Variants in EIPR1 observed in about 807,000 individuals in gnomAD.
EIPR1 encodes the protein EARP complex and GARP complex interacting protein 1.
A neutral mutation model predicts 48.1 loss-of-function variants in EIPR1; 25 were observed. The observed-to-expected ratio is 0.52, with a 90% CI of 0.38 to 0.73. The LOEUF (loss-of-function observed/expected upper bound fraction) is 0.73. Among genes scored for constraint, EIPR1 ranks in the 30% least tolerant of loss-of-function variants. The pLI is 0.00. For missense variants in EIPR1, 415 were observed against 506.2 expected, an observed-to-expected ratio of 0.82 and a Z score of 1.73; for synonymous variants, 204 against 201.9, an observed-to-expected ratio of 1.01 and a Z score of -0.09.
intron 4 of EIPR1, 96 bp downstream of exon 4, chr2:3,257,203 T>G: frequency 1.5e-6 from 2 of 1,350,580 alleles, no homozygotes; most frequent in South Asian, 3.2e-5. Flanking sequence ...GTTTCCGAGG[T>G]GTGGACGGTG....
At chr2:3,249,824 T>C (rs1666949981) in intron 4 of EIPR1, among the ~76,000 whole-genome samples, 1 of 152,216 alleles carries the variant, frequency 6.6e-6, no homozygotes, top group South Asian at 2.1e-4. Context: ...CTAGCTCCAG[T>C]CATGGCTCAA....
intron 3 of EIPR1, among the ~76,000 whole-genome samples, chr2:3,258,022 G>A (rs1270806864): frequency 6.6e-6 from 1 of 152,224 alleles, no homozygotes; most frequent in Non-Finnish European, 1.5e-5. Flanking sequence ...GAGCCCTGGT[G>A]GGCAGCAGGT....
intron 4 of EIPR1, among the ~76,000 whole-genome samples, chr2:3,229,421 A>G (rs1666168117): frequency 6.6e-6 from 1 of 152,374 alleles, no homozygotes; most frequent in South Asian, 2.1e-4. Context: ...GTGATGTTTC[A>G]TCAGCAATAC....
At chr2:3,224,978 G>A (rs1051138070) in intron 4 of EIPR1, among the ~76,000 whole-genome samples, 2 of 152,226 alleles carry the variant, frequency 1.3e-5, no homozygotes, top group African/African-American at 4.8e-5. Flanking sequence ...CACGAGGCTG[G>A]AGTGAAGCAC....
chr2:3,366,625 A>G (rs1266796894), intron 1 of EIPR1, among the ~76,000 whole-genome samples: 16 of 152,264 alleles, frequency 1.1e-4, no homozygotes, highest in Non-Finnish European at 2.4e-4. Flanking sequence ...CATGTGTTTA[A>G]AATGCTTGTA....
chr2:3,245,576 G>A (rs913151294), intron 4 of EIPR1, among the ~76,000 whole-genome samples: 3 of 152,202 alleles, frequency 2.0e-5, no homozygotes, highest in South Asian at 4.1e-4. Context: ...CTATTCTCCT[G>A]TAATAACACA....
intron 5 of EIPR1, among the ~76,000 whole-genome samples, chr2:3,210,482 C>A (rs1665408029): frequency 6.6e-6 from 1 of 152,134 alleles, no homozygotes; most frequent in African/African-American, 2.4e-5. Flanking sequence ...TCCCTGAACA[C>A]CCCCACGACA....
intron 4 of EIPR1, among the ~76,000 whole-genome samples, chr2:3,233,322 C>T (rs1335161355): frequency 2.0e-5 from 3 of 151,978 alleles, no homozygotes; most frequent in Admixed American, 6.5e-5. Context: ...TTTTTTAATC[C>T]AATTCCCATG....
intron 5 of EIPR1, among the ~76,000 whole-genome samples, chr2:3,213,862 TC>T (rs1181463569): frequency 2.0e-5 from 3 of 152,230 alleles, no homozygotes; most frequent in Non-Finnish European, 4.4e-5. Context: ...TTTATTTTTT[TC>T]ATTACACTTT....
chr2:3,266,717 G>A (rs936485841), intron 3 of EIPR1, among the ~76,000 whole-genome samples: 3 of 152,336 alleles, frequency 2.0e-5, no homozygotes, highest in Middle Eastern at 3.4e-3. Flanking sequence ...CTCGCTGGCC[G>A]TGAGCTCCAG....
intron 3 of EIPR1, among the ~76,000 whole-genome samples, chr2:3,322,811 C>A (rs1485275585): frequency 8.5e-5 from 13 of 152,154 alleles, no homozygotes; most frequent in Non-Finnish European, 1.9e-4. Flanking sequence ...GCTCCAGTTC[C>A]TTCATCAGCA....
At chr2:3,365,631 C>T (rs1438166792) in intron 1 of EIPR1, among the ~76,000 whole-genome samples, 4 of 147,872 alleles carry the variant, frequency 2.7e-5, no homozygotes, top group South Asian at 2.2e-4. Flanking sequence ...GAGGACCCTG[C>T]GGCCTTCCGC....
chr2:3,236,361 G>C (rs920201998), intron 4 of EIPR1, among the ~76,000 whole-genome samples: 1 of 152,214 alleles, frequency 6.6e-6, no homozygotes, highest in Non-Finnish European at 1.5e-5. Context: ...CCTCATCCTT[G>C]TCCCTCGCTG....
intron 3 of EIPR1, among the ~76,000 whole-genome samples, chr2:3,311,189 A>G (rs2103309134): frequency 6.6e-6 from 1 of 152,302 alleles, no homozygotes; most frequent in East Asian, 1.9e-4. Context: ...TATCAACACA[A>G]GTGCCTCCAC....
chr2:3,372,221 A>G (rs28895619), intron 1 of EIPR1, among the ~76,000 whole-genome samples: 32,648 of 149,380 alleles, frequency 0.22, 4,330 homozygotes, highest in East Asian at 0.42. Context: ...TCTCTGGGAC[A>G]CATTCAAAGC....
At chr2:3,349,520 G>A (rs1670504084) in intron 2 of EIPR1, among the ~76,000 whole-genome samples, 1 of 152,234 alleles carries the variant, frequency 6.6e-6, no homozygotes. Flanking sequence ...CACAAGACGG[G>A]GATAAGGAGG....
chr2:3,338,687 ACT>A (rs1487765588), intron 2 of EIPR1, among the ~76,000 whole-genome samples: 1 of 152,150 alleles, frequency 6.6e-6, no homozygotes, highest in Non-Finnish European at 1.5e-5. Context: ...ATATTCACAC[ACT>A]GTTATCCTCT....
At chr2:3,191,060 C>T (rs1176991595) in intron 8 of EIPR1, among the ~76,000 whole-genome samples, 3 of 152,238 alleles carry the variant, frequency 2.0e-5, no homozygotes, top group Non-Finnish European at 2.9e-5. Context: ...TGCCACTGCA[C>T]ACCAGCTTGG....
chr2:3,365,068 A>G (rs1197917108), intron 1 of EIPR1, among the ~76,000 whole-genome samples: 1 of 152,202 alleles, frequency 6.6e-6, no homozygotes. Flanking sequence ...CATCATATAA[A>G]TGTATTAACT....
Sources: allele counts gnomAD v4.1 joint callset (sites outside exome capture counted in the v4.1 genomes callset), GRCh38; gene constraint gnomAD v4.1.1; transcripts MANE v1.5; gene names NCBI Gene and HGNC (gene_info 2026-07-23, HGNC 2026-07-21).